Variants in SHANK2 observed in about 807,000 individuals in gnomAD.
The protein encoded by SHANK2 is SH3 and multiple ankyrin repeat domains protein 2.
In SHANK2, 43 loss-of-function variants were observed where a neutral mutation model predicts 133.7. The observed-to-expected ratio is 0.32, with a 90% CI of 0.25 to 0.41. SHANK2 has a LOEUF of 0.41. Ranked by LOEUF, SHANK2 falls within the 10% of genes least tolerant of loss-of-function variation. The pLI is 1.00. For synonymous variants in SHANK2, 1,017 were observed against 952.8 expected, an observed-to-expected ratio of 1.07 and a Z score of -1.24; for missense variants, 1,994 against 2,235.8, an observed-to-expected ratio of 0.89 and a Z score of 2.18.
chr11:70,811,558 T>A (rs1193375086), intron 12 of SHANK2, among the ~76,000 whole-genome samples: 1 of 151,856 alleles, frequency 6.6e-6, no homozygotes, highest in Non-Finnish European at 1.5e-5. Context: ...CTATCCATCA[T>A]CGATCCATCC....
intron 2 of SHANK2, among the ~76,000 whole-genome samples, chr11:71,208,324 G>A (rs534614614): frequency 3.2e-4 from 49 of 152,186 alleles, no homozygotes; most frequent in African/African-American, 1.1e-3. Flanking sequence ...TGGGGAAGTT[G>A]GGGGGAGAAG....
At chr11:70,550,213 ACTCCCGGTAGCAC>A (rs1290448464) in intron 17 of SHANK2, among the ~76,000 whole-genome samples, 1 of 150,502 alleles carries the variant, frequency 6.6e-6, no homozygotes, top group Non-Finnish European at 1.5e-5. Context: ...CTGCAGACCC[ACTCCCGGTAGCAC>A]CTCTGGAAGG....
At position 70,872,604 on chromosome 11, in the gene SHANK2, C is replaced by T. The variant is rs186880127; in HGVS notation, c.1174+23897G>A. 8.2e-3 allele frequency among the ~76,000 whole-genome samples: 1,241 copies of T among 151,986 alleles called. 12 individuals carry two copies. Among genetic ancestry groups the T allele is most frequent in the Non-Finnish European group, 0.012 (785 of 67,962 alleles). ...TAGGGGGCCCCCATACAGAGGGGCC[C>T]CCCACAGACCAGAGTCAGGGGCACA... On this transcript the variant is annotated intron_variant, in intron 11 of 25. Coordinates refer to ENST00000601538, the MANE Select transcript of SHANK2 (RefSeq NM_012309.5).
At chr11:70,521,802 C>G (rs149822650) in intron 17 of SHANK2, among the ~76,000 whole-genome samples, 76 of 152,330 alleles carry the variant, frequency 5.0e-4, no homozygotes, top group African/African-American at 1.7e-3. Context: ...AACAACACCC[C>G]CTGGAGACGG....
At chr11:71,060,531 C>T (rs1386920461) in intron 9 of SHANK2, among the ~76,000 whole-genome samples, 2 of 152,196 alleles carry the variant, frequency 1.3e-5, no homozygotes, top group African/African-American at 4.8e-5. Context: ...CAGGGACAGC[C>T]CAGCAGGTTT....
chr11:70,580,224 G>A (rs570242559), intron 17 of SHANK2, among the ~76,000 whole-genome samples: 3 of 152,330 alleles, frequency 2.0e-5, no homozygotes, highest in African/African-American at 7.2e-5. Context: ...CCTCCCTTTT[G>A]GTCATTAATA....
At chr11:71,089,672 G>A (rs1053988203) in intron 8 of SHANK2, among the ~76,000 whole-genome samples, 2 of 152,152 alleles carry the variant, frequency 1.3e-5, no homozygotes, top group Non-Finnish European at 2.9e-5. Flanking sequence ...ATGGCTGGAA[G>A]TGGGTCAGGC....
chr11:71,090,193 T>TGTGC, intron 8 of SHANK2, among the ~76,000 whole-genome samples: 1 of 144,806 alleles, frequency 6.9e-6, no homozygotes. Flanking sequence ...TGTGTGTGTG[T>TGTGC]GTGTGTATGT....
intron 25 of SHANK2, among the ~76,000 whole-genome samples, chr11:70,475,589 T>C (rs552361492): frequency 6.6e-6 from 1 of 152,272 alleles, no homozygotes; most frequent in South Asian, 2.1e-4. Context: ...TTGCTTAAAG[T>C]GTGGACTAGT....
chr11:70,619,742 C>G (rs1313290998), intron 17 of SHANK2, among the ~76,000 whole-genome samples: 3 of 152,192 alleles, frequency 2.0e-5, no homozygotes, highest in Non-Finnish European at 4.4e-5. Context: ...CTCCCTCATT[C>G]TCTTTGGGGC....
At chr11:70,506,575 G>A (rs1477405963) in intron 17 of SHANK2, among the ~76,000 whole-genome samples, 11 of 152,274 alleles carry the variant, frequency 7.2e-5, no homozygotes, top group East Asian at 3.9e-4. Context: ...CCCCTCTGAC[G>A]TCCAGAATCT....
intron 3 of SHANK2, among the ~76,000 whole-genome samples, chr11:71,126,216 CAAAAAAAAAAAA>C (rs1170621448): frequency 1.6e-4 from 10 of 64,420 alleles, no homozygotes; most frequent in Admixed American, 2.8e-4. Flanking sequence ...GACTCCGTCT[CAAAAAAAAAAAA>C]AAAAAAAAAA....
Position 70,485,567 on chromosome 11 carries a change from C to G in SHANK2, c.4726G>C (p.Val1576Leu). Residue 1576 changes from valine (V) to leucine (L), a missense_variant, in exon 25 of 26, where the codon GTT becomes CTT. This residue lies in a region of SHANK2 where 797 missense variants were observed against 907.4 expected (regional missense o/e 0.88). Coordinates refer to ENST00000601538, the MANE Select transcript of SHANK2 (RefSeq NM_012309.5). The surrounding 1 kb of genome is among the most constrained non-coding windows in gnomAD (Gnocchi z 5.8). ...GGCGGGGGAGCGGGCGGGGGGATAA[C>G]AAAGCTATCTACATCTTCTTCCACG... is the stretch of plus-strand genomic sequence containing the variant. ...ALVEEDVDSF[V>L]IPPPAPPPPP... 1 of 1,613,480 alleles carries G rather than the reference C, an allele frequency of 6.2e-7. No individual in the cohort carries two copies.
chr11:70,730,367 C>A (rs1336864437), intron 14 of SHANK2, among the ~76,000 whole-genome samples: 5 of 152,286 alleles, frequency 3.3e-5, no homozygotes, highest in South Asian at 2.1e-4. Flanking sequence ...CCTCCCCACT[C>A]ACGCCCAATT....
chr11:70,489,533 C>T lies in SHANK2; in HGVS notation c.2552-185G>A. Reference sequence around the variant, plus strand: ...ACAAGCACGCTGCGCTTTTGCACAGCAGCCCAGAGGCATTTCCAGAACACA... The same window carrying T: ...ACAAGCACGCTGCGCTTTTGCACAGTAGCCCAGAGGCATTTCCAGAACACA... On this transcript the variant is annotated intron_variant, in intron 23 of 25. Coordinates refer to ENST00000601538, the MANE Select transcript of SHANK2 (RefSeq NM_012309.5). 3 of 670,846 alleles carry T rather than the reference C, an allele frequency of 4.5e-6. No homozygotes were observed. In the South Asian group the frequency reaches 5.0e-5, roughly 11 times the overall value. 41.6% of individuals were successfully genotyped at this position (670,846 alleles called of 1,614,324 possible). A position where few individuals can be genotyped will look rare whatever the true frequency, so the allele number is the denominator to read the frequency against.
At chr11:70,528,126 C>T (rs986755285) in intron 17 of SHANK2, among the ~76,000 whole-genome samples, 3 of 152,214 alleles carry the variant, frequency 2.0e-5, no homozygotes, top group East Asian at 1.9e-4. Context: ...AGAAACCAAC[C>T]GAGCATCAGG....
At chr11:71,213,900 C>A (rs1323981236) in intron 2 of SHANK2, among the ~76,000 whole-genome samples, 1 of 152,204 alleles carries the variant, frequency 6.6e-6, no homozygotes, top group South Asian at 2.1e-4. Context: ...TTCCCAAAGA[C>A]AGTAAGTGGC....
At chr11:70,828,296 C>A (rs370848230) in intron 11 of SHANK2, among the ~76,000 whole-genome samples, 14 of 152,210 alleles carry the variant, frequency 9.2e-5, no homozygotes, top group African/African-American at 3.4e-4. Flanking sequence ...AAACAAAAAA[C>A]CCCACAAAAA....
intron 1 of SHANK2, among the ~76,000 whole-genome samples, chr11:71,250,505 C>T (rs1440951155): frequency 6.6e-6 from 1 of 152,210 alleles, no homozygotes; most frequent in Non-Finnish European, 1.5e-5. Context: ...TTAGAGCAGA[C>T]ACGACGGCTT....
Sources: allele counts gnomAD v4.1 joint callset (sites outside exome capture counted in the v4.1 genomes callset), GRCh38; gene constraint gnomAD v4.1.1; regional missense constraint gnomAD v4.1.1; non-coding constraint Gnocchi (gnomAD v3.1); transcripts MANE v1.5; gene names NCBI Gene and HGNC (gene_info 2026-07-23, HGNC 2026-07-21).